AGO1: variants seen among roughly 807,000 people sequenced by gnomAD.
AGO1 encodes protein argonaute-1.
Under a neutral mutation model 109.2 loss-of-function variants are expected in AGO1, and 11 were observed. The observed-to-expected ratio is 0.10, with a 90% CI of 0.06 to 0.17. The LOEUF (loss-of-function observed/expected upper bound fraction) is 0.17, where lower values mean the gene tolerates loss of function less well. Among genes scored for constraint, AGO1 ranks in the 10% least tolerant of loss-of-function variants. The probability of loss-of-function intolerance (pLI) is 1.00; values close to 1 mark genes in which losing one functional copy is unlikely to be tolerated. For synonymous variants in AGO1, 422 were observed against 418.6 expected (o/e 1.01, Z -0.10); for missense variants, 574 against 1,140.3 (o/e 0.50, Z 7.15).
At chr1:35,884,743 G>A (rs987152467) in intron 1 of AGO1, among the ~76,000 whole-genome samples, 1 of 152,148 alleles carries the variant, frequency 6.6e-6, no homozygotes, top group African/African-American at 2.4e-5. Flanking sequence ...TAGGAACAGA[G>A]GATAAACTGA....
intron 1 of AGO1, chr1:35,873,757 A>G (rs1232424073): frequency 6.6e-6 from 1 of 152,420 alleles, no homozygotes; most frequent in African/African-American, 2.4e-5. Flanking sequence ...TTTTTTATCT[A>G]ATTGCAGGAA....
chr1:35,892,272 C>T (rs992843899), intron 2 of AGO1, among the ~76,000 whole-genome samples: 2 of 152,226 alleles, frequency 1.3e-5, no homozygotes, highest in Non-Finnish European at 2.9e-5. Flanking sequence ...ACCACTCTTT[C>T]AGGTCCATTA....
In AGO1 at chr1:35,893,541, A is replaced by G; in HGVS notation, c.513-133A>G. ...AAACTTGTACAAGGTCAGTCATACA[A>G]CTAGTAAAGCATCAGAGCTGGCATT... On this transcript the variant is annotated intron_variant, in intron 4 of 18. Coordinates refer to ENST00000373204, the MANE Select transcript of AGO1 (RefSeq NM_012199.5). This position sits in a 1 kb window ranked among gnomAD's most constrained non-coding sequence, Gnocchi z 5.6. 1 of 995,636 alleles carries G rather than the reference A, an allele frequency of 1.0e-6. No individual in the cohort carries two copies. The highest frequency in any genetic ancestry group is 1.4e-6 in the Non-Finnish European group (1 of 695,368). 61.7% of individuals were successfully genotyped at this position (995,636 alleles called of 1,614,324 possible).
In AGO1 at chr1:35,870,554, T is replaced by G. The variant is rs541864717; in HGVS notation, c.-201+651T>G. On this transcript the variant is annotated intron_variant, in intron 1 of 18. Transcript: ENST00000373206. Reference sequence around the variant, plus strand: ...CGCCTCGCCTCCCAAAGTGCTGGGATTACAGGCGTGAGCCACCGCGCCTGG... The same window carrying G: ...CGCCTCGCCTCCCAAAGTGCTGGGAGTACAGGCGTGAGCCACCGCGCCTGG... Among the ~76,000 whole-genome samples the G allele has an allele frequency of 9.2e-5, 14 of 152,324 alleles. No homozygotes were observed. In the South Asian group the frequency reaches 2.9e-3, roughly 32 times the overall value.
At chr1:35,898,073 C>T (rs1645349751) in intron 8 of AGO1, among the ~76,000 whole-genome samples, 1 of 152,112 alleles carries the variant, frequency 6.6e-6, no homozygotes, top group Admixed American at 6.5e-5. Context: ...CTCGTTCCAT[C>T]AGATGGATAT....
chr1:35,886,241 G>C (rs552914889), intron 1 of AGO1, among the ~76,000 whole-genome samples: 1 of 152,118 alleles, frequency 6.6e-6, no homozygotes, highest in Non-Finnish European at 1.5e-5. Context: ...CAAAGTGGCC[G>C]TCTGTCCCTG....
At chr1:35,877,053 A>G (rs1251811891) in intron 1 of AGO1, among the ~76,000 whole-genome samples, 3 of 152,182 alleles carry the variant, frequency 2.0e-5, no homozygotes, top group Non-Finnish European at 4.4e-5. Context: ...CTGCCAGGCC[A>G]AGTTTAGGGT....
chr1:35,915,640 T>C (rs927637373), intron 15 of AGO1, 98 bp downstream of exon 15: 82 of 1,153,500 alleles, frequency 7.1e-5, no homozygotes, highest in Non-Finnish European at 9.5e-5. Flanking sequence ...GGTGTGTCAC[T>C]TCTTAGTGAG....
intron 1 of AGO1, among the ~76,000 whole-genome samples, chr1:35,884,016 G>A (rs1461977267): frequency 6.6e-6 from 1 of 152,222 alleles, no homozygotes; most frequent in African/African-American, 2.4e-5. Flanking sequence ...CAGAGCATGC[G>A]CGGAGGTGGC....
At chr1:35,909,885 A>G (rs572217705) in intron 12 of AGO1, among the ~76,000 whole-genome samples, 2 of 152,058 alleles carry the variant, frequency 1.3e-5, no homozygotes, top group Admixed American at 1.3e-4. Flanking sequence ...TTGAATAAGT[A>G]TTCATGTTTC....
In AGO1 at chr1:35,929,559, C is replaced by T. The variant is rs998649331; in HGVS notation, c.*9952C>T. ...GTATTTACCCTGTCAGATGCTGCTA[C>T]CAAGATTTGGATTGTGTACAGTCGA... On this transcript the variant is annotated 3_prime_UTR_variant, in exon 19 of 19. Transcript: ENST00000373204. 6.6e-6 allele frequency: 1 copy of T among 152,162 alleles called. No homozygotes were observed. The highest frequency in any genetic ancestry group is 1.5e-5 in the Non-Finnish European group (1 of 68,038). The allele number at this position is 152,162 out of a possible 1,614,324, so 9.4% of individuals were successfully genotyped here. A position where few individuals can be genotyped will look rare whatever the true frequency, so the allele number is the denominator to read the frequency against.
intron 17 of AGO1, among the ~76,000 whole-genome samples, chr1:35,918,817 A>T (rs1645781254): frequency 6.6e-6 from 1 of 152,182 alleles, no homozygotes; most frequent in African/African-American, 2.4e-5. Context: ...TGGCCTCCCA[A>T]AGTGCTGGGA....
Position 35,888,495 on chromosome 1 carries a change from G to T in AGO1, c.94G>T (p.Val32Leu). ...ACCTCGCCGGCCTGGCATTGGCACT[G>T]TGGGGAAACCAATCAAGCTCCTGGC... The part of the protein sequence containing the change: ...QAPRRPGIGT[V>L]GKPIKLLANY... The change falls in exon 2 of 19, where the codon GTG becomes TTG. Residue 32 changes from valine to leucine, a missense_variant. Coordinates refer to ENST00000373204, the MANE Select transcript of AGO1 (RefSeq NM_012199.5). This position sits in a 1 kb window ranked among gnomAD's most constrained non-coding sequence, Gnocchi z 4.1. 1 of 1,614,230 alleles carries T rather than the reference G, an allele frequency of 6.2e-7. No individual in the cohort carries two copies. The highest frequency in any genetic ancestry group is 8.5e-7 in the Non-Finnish European group (1 of 1,180,054).
intron 2 of AGO1, among the ~76,000 whole-genome samples, chr1:35,891,340 A>T: frequency 6.6e-6 from 1 of 152,208 alleles, no homozygotes; most frequent in Non-Finnish European, 1.5e-5. Flanking sequence ...TTCAGAGGTC[A>T]GGAAGTAAGA....
At chr1:35,910,532 AC>A (rs1645613674) in intron 12 of AGO1, among the ~76,000 whole-genome samples, 1 of 151,970 alleles carries the variant, frequency 6.6e-6, no homozygotes, top group Non-Finnish European at 1.5e-5. Flanking sequence ...AGTCACTACA[AC>A]CTCCTACCAG....
chr1:35,887,382 T>C (rs74064298), intron 1 of AGO1, among the ~76,000 whole-genome samples: 1 of 152,244 alleles, frequency 6.6e-6, no homozygotes, highest in African/African-American at 2.4e-5. Context: ...TATTCCCTTT[T>C]TTTCTCTCTT....
At chr1:35,916,504 G>A (rs1399174111) in intron 15 of AGO1, among the ~76,000 whole-genome samples, 1 of 152,016 alleles carries the variant, frequency 6.6e-6, no homozygotes, top group African/African-American at 2.4e-5. Flanking sequence ...AGTAGCTGGG[G>A]CTATAGGTAT....
At position 35,911,919 on chromosome 1, in the gene AGO1, A is replaced by G. The variant is rs143997831; in HGVS notation, c.1583-1923A>G. On this transcript the variant is annotated intron_variant, in intron 12 of 18. Transcript: ENST00000373204. ...CTTCCCTTGGCACTCGTGATACAAC[A>G]CTATCTTAGTCTTCCTTCTAGCTTT... 6.8e-3 allele frequency among the ~76,000 whole-genome samples: 1,034 copies of G among 152,236 alleles called. 9 individuals are homozygous for G. Among genetic ancestry groups the G allele is most frequent in the African/African-American group, 0.022 (905 of 41,534 alleles).
Position 35,921,002 on chromosome 1 carries a change from G to C in AGO1, c.*1395G>C, listed in dbSNP as rs1034417264. 2 of 152,894 alleles carry C rather than the reference G, an allele frequency of 1.3e-5. No homozygotes were observed. Among genetic ancestry groups the C allele is most frequent in the South Asian group, 2.1e-4 (1 of 4,820 alleles). The allele number at this position is 152,894 out of a possible 1,614,324, so 9.5% of individuals were successfully genotyped here. On this transcript the variant is annotated 3_prime_UTR_variant, in exon 19 of 19. Coordinates refer to ENST00000373204, the MANE Select transcript of AGO1 (RefSeq NM_012199.5). ...TTCTCTGACCTGGCTAGGTAGGGAG[G>C]GGGTGGTTATCGCCCCAAGATGGGG...
Sources: allele counts gnomAD v4.1 joint callset (sites outside exome capture counted in the v4.1 genomes callset), GRCh38; gene constraint gnomAD v4.1.1; non-coding constraint Gnocchi (gnomAD v3.1); transcripts MANE v1.5; gene names NCBI Gene and HGNC (gene_info 2026-07-23, HGNC 2026-07-21).